NAALADL2: variants seen among roughly 807,000 people sequenced by gnomAD.
NAALADL2 encodes the protein N-acetylated alpha-linked acidic dipeptidase like 2.
Under a neutral mutation model 87.2 loss-of-function variants are expected in NAALADL2, and 76 were observed. The ratio of observed to expected loss-of-function variants is 0.87; its 90% CI spans 0.72 to 1.05. NAALADL2 has a LOEUF of 1.05. Among genes scored for constraint, NAALADL2 ranks in the 50% least tolerant of loss-of-function variants. NAALADL2 has a pLI of 0.00. For missense variants in NAALADL2, 1,089 were observed against 945.8 expected, an observed-to-expected ratio of 1.15 and a Z score of -1.99; for synonymous variants, 354 against 331.0, an observed-to-expected ratio of 1.07 and a Z score of -0.75.
intron 2 of NAALADL2, among the ~76,000 whole-genome samples, chr3:175,222,724 T>C: frequency 6.6e-6 from 1 of 152,194 alleles, no homozygotes. Context: ...TGTCCATATT[T>C]AATTTATATG....
At chr3:175,330,028 T>A (rs1761204907) in intron 5 of NAALADL2, among the ~76,000 whole-genome samples, 1 of 152,264 alleles carries the variant, frequency 6.6e-6, no homozygotes, top group South Asian at 2.1e-4. Context: ...TAGAATGTTG[T>A]GTACTTGTAT....
chr3:175,502,450 A>C (rs1729688157), intron 9 of NAALADL2, among the ~76,000 whole-genome samples: 2 of 152,144 alleles, frequency 1.3e-5, no homozygotes, highest in Admixed American at 1.3e-4. Context: ...CACTGCTTCG[A>C]TCTGGGACGT....
chr3:175,619,225 G>A (rs375247218), intron 10 of NAALADL2, among the ~76,000 whole-genome samples: 14 of 107,984 alleles, frequency 1.3e-4, no homozygotes, highest in Admixed American at 1.1e-4. Context: ...GAGAGAAAGA[G>A]AGAAAGAAAG....
At chr3:175,569,845 C>T (rs1717765403) in intron 9 of NAALADL2, among the ~76,000 whole-genome samples, 1 of 149,556 alleles carries the variant, frequency 6.7e-6, no homozygotes, top group Admixed American at 6.7e-5. Flanking sequence ...CACACACACA[C>T]ACACACACAC....
intron 6 of NAALADL2, among the ~76,000 whole-genome samples, chr3:175,460,409 T>A (rs530465000): frequency 3.9e-4 from 59 of 152,200 alleles, no homozygotes; most frequent in Non-Finnish European, 6.6e-4. Flanking sequence ...TATTTTGACC[T>A]AGTCTTTGCC....
Position 175,257,661 on chromosome 3 carries a change from A to G in NAALADL2, c.939+1131A>G, listed in dbSNP as rs1216091878. 8.5e-5 allele frequency among the ~76,000 whole-genome samples: 13 copies of G among 152,284 alleles called. No homozygotes were observed. In the East Asian group the frequency reaches 2.5e-3, roughly 29 times the overall value. On this transcript the variant is annotated intron_variant, in intron 4 of 13. Coordinates refer to ENST00000454872, the MANE Select transcript of NAALADL2 (RefSeq NM_207015.3). ...TGACAAAATATTAGAAATGATATAT[A>G]CATCCAATTTAGTATTTGAAAATCA...
chr3:175,780,960 C>T (rs1453988944), intron 13 of NAALADL2, among the ~76,000 whole-genome samples: 1 of 152,114 alleles, frequency 6.6e-6, no homozygotes, highest in Admixed American at 6.6e-5. Context: ...TTTCAAAAGG[C>T]ACATGAGAGA....
chr3:174,754,156 G>A (rs187583245), intron 3 of NAALADL2, among the ~76,000 whole-genome samples: 182 of 152,238 alleles, frequency 1.2e-3, no homozygotes, highest in Admixed American at 2.6e-3. Context: ...CTTTTTTAAG[G>A]TAGTAAAAAG....
intron 3 of NAALADL2, among the ~76,000 whole-genome samples, chr3:175,240,050 T>C (rs894306791): frequency 1.3e-5 from 2 of 152,134 alleles, no homozygotes; most frequent in African/African-American, 2.4e-5. Context: ...TATCTAAATA[T>C]AATCTTTCTG....
chr3:174,897,212 C>T (rs370181942), intron 1 of NAALADL2, among the ~76,000 whole-genome samples: 6 of 152,026 alleles, frequency 3.9e-5, no homozygotes, highest in African/African-American at 1.4e-4. Context: ...ATGATACAGT[C>T]AACTAAGTGA....
intron 13 of NAALADL2, among the ~76,000 whole-genome samples, chr3:175,785,848 G>A (rs1036439872): frequency 1.3e-5 from 2 of 150,362 alleles, no homozygotes; most frequent in Admixed American, 6.6e-5. Context: ...GGTACCGGTT[G>A]TTCCTTTCTG....
chr3:174,671,643 A>C (rs1726547137), intron 2 of NAALADL2, among the ~76,000 whole-genome samples: 1 of 152,116 alleles, frequency 6.6e-6, no homozygotes, highest in Admixed American at 6.6e-5. Context: ...AATCCATTGA[A>C]TATGAGTAAA....
intron 10 of NAALADL2, among the ~76,000 whole-genome samples, chr3:175,601,288 A>T (rs575303571): frequency 6.6e-6 from 1 of 152,308 alleles, no homozygotes; most frequent in East Asian, 1.9e-4. Flanking sequence ...ATATCAACAT[A>T]TTGTATGTGT....
chr3:175,268,493 A>G (rs886513593), intron 4 of NAALADL2, among the ~76,000 whole-genome samples: 4 of 152,010 alleles, frequency 2.6e-5, no homozygotes, highest in Non-Finnish European at 5.9e-5. Flanking sequence ...TTACAATTAG[A>G]CTACAGTATA....
At chr3:174,702,930 A>G (rs1243871275) in intron 2 of NAALADL2, among the ~76,000 whole-genome samples, 3 of 152,172 alleles carry the variant, frequency 2.0e-5, no homozygotes, top group Admixed American at 1.3e-4. Flanking sequence ...ATGCTATGCT[A>G]CATAAGATTC....
intron 10 of NAALADL2, among the ~76,000 whole-genome samples, chr3:175,626,567 T>A (rs1351713845): frequency 1.3e-5 from 2 of 151,924 alleles, no homozygotes; most frequent in Non-Finnish European, 2.9e-5. Context: ...AAACCAGGTA[T>A]CTCCGAAATG....
At chr3:174,618,796 A>G (rs975939220) in intron 2 of NAALADL2, among the ~76,000 whole-genome samples, 1 of 151,906 alleles carries the variant, frequency 6.6e-6, no homozygotes, top group African/African-American at 2.4e-5. Flanking sequence ...ACTTAATTTT[A>G]TAAGTGTTAT....
intron 9 of NAALADL2, among the ~76,000 whole-genome samples, chr3:175,569,666 G>A (rs1717733178): frequency 6.6e-6 from 1 of 151,978 alleles, no homozygotes; most frequent in Non-Finnish European, 1.5e-5. Flanking sequence ...GATACCACGG[G>A]AAAACTGGCA....
intron 1 of NAALADL2, among the ~76,000 whole-genome samples, chr3:175,054,338 G>A (rs753315253): frequency 6.6e-6 from 1 of 152,114 alleles, no homozygotes; most frequent in Non-Finnish European, 1.5e-5. Flanking sequence ...TCATCTAAAG[G>A]GATAGTAAAG....
Sources: allele counts gnomAD v4.1 joint callset (sites outside exome capture counted in the v4.1 genomes callset), GRCh38; gene constraint gnomAD v4.1.1; transcripts MANE v1.5; gene names NCBI Gene and HGNC (gene_info 2026-07-23, HGNC 2026-07-21).